The following ACTR3 variants were observed in gnomAD, a reference collection of about 807,000 sequenced individuals.
ACTR3 encodes actin related protein 3, also known as actin-related protein 3.
ACTR3 carries 12 observed loss-of-function variants against 56.8 expected under a neutral mutation model. The observed-to-expected ratio is 0.21, with a 90% CI of 0.14 to 0.34. The LOEUF (loss-of-function observed/expected upper bound fraction) is 0.34. ACTR3 is among the 10% of genes least tolerant of loss of function. The pLI is 1.00. For synonymous variants in ACTR3, 162 were observed against 167.4 expected (o/e 0.97, Z 0.25); for missense variants, 282 against 512.5 (o/e 0.55, Z 4.34).
At chr2:113,896,880 A>T (rs1302939370) in intron 1 of ACTR3, among the ~76,000 whole-genome samples, 1 of 152,228 alleles carries the variant, frequency 6.6e-6, no homozygotes, top group Non-Finnish European at 1.5e-5. Flanking sequence ...GCTCTAGCTA[A>T]ATTTCCCTTG....
chr2:113,936,223 G>C (rs1030189662), intron 6 of ACTR3, among the ~76,000 whole-genome samples: 4 of 148,774 alleles, frequency 2.7e-5, no homozygotes, highest in African/African-American at 9.9e-5. Flanking sequence ...CCCTGGAGAG[G>C]TTGAGGCTGC....
Position 113,890,194 on chromosome 2 carries a change from G to C in ACTR3, c.-86G>C. Reference sequence around the variant, plus strand: ...AAGGCGGCCCAGCTGTGGATGGTCAGATAGCCCTTGTCTCCCGCCGCCAAT... The same window carrying C: ...AAGGCGGCCCAGCTGTGGATGGTCACATAGCCCTTGTCTCCCGCCGCCAAT... On this transcript the variant is annotated 5_prime_UTR_variant, in exon 1 of 12. Transcript: ENST00000263238. The C allele has an allele frequency of 3.3e-6, 5 of 1,533,486 alleles. No homozygotes were observed. Among genetic ancestry groups the C allele is most frequent in the Non-Finnish European group, 4.4e-6 (5 of 1,130,808 alleles). 95.0% of individuals were successfully genotyped at this position (1,533,486 alleles called of 1,614,324 possible). A position where few individuals can be genotyped will look rare whatever the true frequency, so the allele number is the denominator to read the frequency against.
At chr2:113,947,387 C>T (rs1228846015) in intron 8 of ACTR3, among the ~76,000 whole-genome samples, 1 of 152,170 alleles carries the variant, frequency 6.6e-6, no homozygotes, top group East Asian at 1.9e-4. Context: ...TGTGGTGGCT[C>T]ACACCTGTAA....
At chr2:113,942,813 G>A (rs1428423683) in intron 8 of ACTR3, among the ~76,000 whole-genome samples, 1 of 152,046 alleles carries the variant, frequency 6.6e-6, no homozygotes, top group East Asian at 1.9e-4. Context: ...TTCTGTCTAT[G>A]AAGTTTTAGC....
At chr2:113,915,068 C>G (rs567320616) in intron 2 of ACTR3, among the ~76,000 whole-genome samples, 12 of 152,276 alleles carry the variant, frequency 7.9e-5, no homozygotes, top group South Asian at 2.1e-4. Flanking sequence ...AGAGGTACTT[C>G]TTTGGGCTAG....
At position 113,906,006 on chromosome 2, in the gene ACTR3, A is replaced by G. The variant is rs575392754; in HGVS notation, c.45-7166A>G. Reference sequence around the variant, plus strand: ...GTTCCTGCTTTCAGTTCTTTTGGGTATATACCCAGAAGTGGAATTGTTGGG... The same window carrying G: ...GTTCCTGCTTTCAGTTCTTTTGGGTGTATACCCAGAAGTGGAATTGTTGGG... On this transcript the variant is annotated intron_variant, in intron 1 of 11. Transcript: ENST00000263238. Among the ~76,000 whole-genome samples, 3 of 152,306 alleles carry G rather than the reference A, an allele frequency of 2.0e-5. No individual in the cohort carries two copies. In the South Asian group the frequency reaches 6.2e-4, roughly 32 times the overall value.
intron 8 of ACTR3, among the ~76,000 whole-genome samples, chr2:113,943,118 G>GT (rs1679955173): frequency 6.6e-6 from 1 of 152,198 alleles, no homozygotes; most frequent in African/African-American, 2.4e-5. Context: ...ATTTAAACAC[G>GT]TAAGGTTATA....
chr2:113,953,862 C>G (rs1680164589), intron 10 of ACTR3: 1 of 152,132 alleles, frequency 6.6e-6, no homozygotes, highest in East Asian at 1.9e-4. Context: ...ACTAATGTCC[C>G]TTATAACAAA....
chr2:113,890,020 T>C, upstream of ACTR3: 2 of 488,980 alleles, frequency 4.1e-6, no homozygotes, highest in Admixed American at 4.4e-5. Flanking sequence ...GGGGCAGGAG[T>C]GAGGAGGAGG....
chr2:113,905,004 C>T (rs1194376481), intron 1 of ACTR3: 2 of 151,538 alleles, frequency 1.3e-5, no homozygotes, highest in Admixed American at 6.6e-5. Context: ...ACTCATTTTT[C>T]TTTTGGCTAC....
At chr2:113,939,826 T>C in intron 6 of ACTR3, 133 bp from the exon 7 acceptor site, 1 of 655,640 alleles carries the variant, frequency 1.5e-6, no homozygotes, top group Non-Finnish European at 2.4e-6. Flanking sequence ...AAAGGTAAGT[T>C]CTGAGATAAA....
chr2:113,910,372 A>T (rs1574357141), intron 1 of ACTR3, among the ~76,000 whole-genome samples: 1 of 152,200 alleles, frequency 6.6e-6, no homozygotes, highest in African/African-American at 2.4e-5. Flanking sequence ...GTGTGTCTTT[A>T]TCTGTATGCT....
chr2:113,895,232 T>C (rs947971077), intron 1 of ACTR3, among the ~76,000 whole-genome samples: 2 of 152,192 alleles, frequency 1.3e-5, no homozygotes, highest in Non-Finnish European at 1.5e-5. Context: ...TGCTTTATAT[T>C]ATCTCATTAA....
rs1679317411 is a variant in ACTR3, at chr2:113,912,062, G to A, written c.45-1110G>A. Among the ~76,000 whole-genome samples, 4 of 152,090 alleles carry A rather than the reference G, an allele frequency of 2.6e-5. No individual in the cohort carries two copies. In the South Asian group the frequency reaches 8.3e-4, roughly 32 times the overall value. ...GCCTAATTTCTATAGTTTTAGTAGC[G>A]AGGGTGTTTCACCGTGTTGGTCAGG... On this transcript the variant is annotated intron_variant, in intron 1 of 11. Transcript: ENST00000263238.
intron 1 of ACTR3, among the ~76,000 whole-genome samples, chr2:113,896,078 C>T (rs1395329218): frequency 2.0e-5 from 3 of 152,100 alleles, no homozygotes; most frequent in Non-Finnish European, 4.4e-5. Context: ...TCAGGCTGGT[C>T]TCAAACTTCT....
intron 7 of ACTR3, among the ~76,000 whole-genome samples, chr2:113,940,421 T>G (rs994503081): frequency 6.6e-6 from 1 of 152,144 alleles, no homozygotes; most frequent in Non-Finnish European, 1.5e-5. Flanking sequence ...AGTCCTTGCA[T>G]CTCAGTTTCT....
chr2:113,951,021 A>T lies in ACTR3; in HGVS notation c.859-458A>T, dbSNP rs115561407. On this transcript the variant is annotated intron_variant, in intron 8 of 11. Coordinates refer to ENST00000263238, the MANE Select transcript of ACTR3 (RefSeq NM_005721.5). ...AACTTATTCACTCCATGAGAACAGT[A>T]TGGGGGAAACCACCCTCATGATTCA... The T allele has an allele frequency of 9.5e-3, 1,489 of 156,396 alleles. 30 individuals are homozygous for T. Among genetic ancestry groups the T allele is most frequent in the Admixed American group, 0.032 (514 of 15,980 alleles). 9.7% of individuals were successfully genotyped at this position (156,396 alleles called of 1,614,324 possible).
chr2:113,904,933 C>G lies in ACTR3; in HGVS notation c.45-8239C>G, dbSNP rs577273421. ...CCCTTGTCATTAACATCTAGGTACC[C>G]TTTATATGTTAAAGAGATTATATCT... On this transcript the variant is annotated intron_variant, in intron 1 of 11. Coordinates refer to ENST00000263238, the MANE Select transcript of ACTR3 (RefSeq NM_005721.5). The G allele has an allele frequency of 1.2e-4, 18 of 152,160 alleles. No homozygotes were observed. The East Asian group carries it at 3.5e-3, about 29-fold the overall frequency. The allele number at this position is 152,160 out of a possible 1,614,324, so 9.4% of individuals were successfully genotyped here. A position where few individuals can be genotyped will look rare whatever the true frequency, so the allele number is the denominator to read the frequency against.
chr2:113,921,547 A>T (rs1250729647), intron 3 of ACTR3, among the ~76,000 whole-genome samples: 1 of 152,006 alleles, frequency 6.6e-6, no homozygotes, highest in Admixed American at 6.6e-5. Flanking sequence ...CTTTTCCCGT[A>T]CCAATGTTGT....
Sources: gnomAD v4.1 joint callset for allele counts (sites outside exome capture counted in the v4.1 genomes callset) on GRCh38, gnomAD v4.1.1 for gene constraint, MANE v1.5 for transcripts, NCBI Gene and HGNC (gene_info 2026-07-23, HGNC 2026-07-21) for gene names.